Variants in MYO3B observed in about 807,000 individuals in gnomAD.
The protein encoded by MYO3B is myosin-IIIb.
In MYO3B, 156 loss-of-function variants were observed where a neutral mutation model predicts 174.6. The ratio of observed to expected loss-of-function variants is 0.89; its 90% CI spans 0.78 to 1.02. MYO3B has a LOEUF of 1.02. Among genes scored for constraint, MYO3B ranks in the 50% least tolerant of loss-of-function variants. The probability of loss-of-function intolerance (pLI) is 0.00; values close to 1 mark genes in which losing one functional copy is unlikely to be tolerated. For synonymous variants in MYO3B, 563 were observed against 569.1 expected (o/e 0.99, Z 0.15); for missense variants, 1,632 against 1,639.4 (o/e 1.00, Z 0.08).
intron 16 of MYO3B, among the ~76,000 whole-genome samples, chr2:170,395,488 C>A (rs961856135): frequency 6.6e-6 from 1 of 152,014 alleles, no homozygotes; most frequent in Non-Finnish European, 1.5e-5. Context: ...AAATTTCTTC[C>A]CTTTCTTCAA....
intron 32 of MYO3B, among the ~76,000 whole-genome samples, chr2:170,567,405 G>A (rs1280390152): frequency 6.6e-6 from 1 of 152,170 alleles, no homozygotes; most frequent in Non-Finnish European, 1.5e-5. Flanking sequence ...CTAGTGAAGG[G>A]TAGGGGACAT....
chr2:170,414,262 A>G (rs1206265346), intron 22 of MYO3B, among the ~76,000 whole-genome samples: 1 of 151,974 alleles, frequency 6.6e-6, no homozygotes, highest in Non-Finnish European at 1.5e-5. Context: ...ATCTCAGCTC[A>G]CTGAAACATC....
rs532704809 is a variant in MYO3B at position 170,491,586 on chromosome 2, C to T, written c.3015-7006C>T. Among the ~76,000 whole-genome samples the T allele has an allele frequency of 1.3e-3, 197 of 152,286 alleles. 1 individual carries two copies. The Middle Eastern group carries it at 0.014, about 11-fold the overall frequency. Reference sequence around the variant, plus strand: ...GACTATAGGTGCCCGCCACCATGCCCGGCTAATTTTTTGTATTTTTAGTAG... The same window carrying T: ...GACTATAGGTGCCCGCCACCATGCCTGGCTAATTTTTTGTATTTTTAGTAG... On this transcript the variant is annotated intron_variant, in intron 25 of 34. Transcript: ENST00000408978.
intron 8 of MYO3B, among the ~76,000 whole-genome samples, chr2:170,363,236 C>T (rs527613787): frequency 3.4e-4 from 52 of 152,074 alleles, no homozygotes; most frequent in African/African-American, 1.2e-3. Context: ...GTCATAAATC[C>T]TGAGTTTTGA....
intron 32 of MYO3B, among the ~76,000 whole-genome samples, chr2:170,618,590 A>G (rs572011986): frequency 1.2e-3 from 179 of 152,302 alleles, no homozygotes; most frequent in African/African-American, 4.1e-3. Context: ...GTTCCCAGGC[A>G]GATCAGCAGG....
chr2:170,218,420 A>G (rs780076960), intron 6 of MYO3B, among the ~76,000 whole-genome samples: 23 of 152,154 alleles, frequency 1.5e-4, no homozygotes, highest in Admixed American at 1.5e-3. Context: ...AAAAAAATGT[A>G]TTATGAAAAA....
chr2:170,380,202 C>T (rs1201374066), intron 9 of MYO3B, among the ~76,000 whole-genome samples: 1 of 152,166 alleles, frequency 6.6e-6, no homozygotes, highest in Non-Finnish European at 1.5e-5. Flanking sequence ...AGAAGTTATG[C>T]TTCTGGGCTA....
chr2:170,370,110 T>C (rs915082794), intron 9 of MYO3B, among the ~76,000 whole-genome samples: 1 of 152,032 alleles, frequency 6.6e-6, no homozygotes, highest in Non-Finnish European at 1.5e-5. Flanking sequence ...AATTTCTCTT[T>C]AAAAAAAATT....
chr2:170,241,430 A>G (rs946676187), intron 7 of MYO3B, among the ~76,000 whole-genome samples: 6 of 152,202 alleles, frequency 3.9e-5, no homozygotes, highest in African/African-American at 1.2e-4. Flanking sequence ...TTGGAGCACA[A>G]TCCACTGGGA....
chr2:170,265,845 C>T (rs1559345761), intron 7 of MYO3B, among the ~76,000 whole-genome samples: 1 of 151,848 alleles, frequency 6.6e-6, no homozygotes. Context: ...GAGTATGCAA[C>T]AAGATGAAAA....
chr2:170,554,611 T>C (rs1575157676), intron 32 of MYO3B, among the ~76,000 whole-genome samples: 1 of 152,206 alleles, frequency 6.6e-6, no homozygotes, highest in African/African-American at 2.4e-5. Context: ...CATTACAGAA[T>C]TGAACAGTTT....
At chr2:170,214,262 G>A in intron 3 of MYO3B, 117 bp from the exon 4 acceptor site, 1 of 720,720 alleles carries the variant, frequency 1.4e-6, no homozygotes, top group Non-Finnish European at 2.3e-6. Flanking sequence ...CTGGAGTTTT[G>A]TAATCTGCAA....
intron 22 of MYO3B, among the ~76,000 whole-genome samples, chr2:170,412,581 A>C (rs1369764485): frequency 6.6e-6 from 1 of 152,142 alleles, no homozygotes. Context: ...GAGCCCCTAC[A>C]TTGTCATATC....
intron 7 of MYO3B, among the ~76,000 whole-genome samples, chr2:170,320,095 C>T (rs1167369937): frequency 6.6e-6 from 1 of 152,194 alleles, no homozygotes; most frequent in East Asian, 1.9e-4. Context: ...CAGGAAACGG[C>T]ATAGATGTGG....
At chr2:170,583,948 C>CT (rs941453015) in intron 32 of MYO3B, among the ~76,000 whole-genome samples, 3 of 152,076 alleles carry the variant, frequency 2.0e-5, no homozygotes, top group African/African-American at 7.2e-5. Flanking sequence ...TACAAAAGAC[C>CT]TTTTTTGTTT....
At chr2:170,379,299 A>G (rs2094318220) in intron 9 of MYO3B, among the ~76,000 whole-genome samples, 1 of 151,166 alleles carries the variant, frequency 6.6e-6, no homozygotes, top group Non-Finnish European at 1.5e-5. Context: ...GGTTCAAGCA[A>G]TTCTCCTGCC....
chr2:170,628,615 C>T (rs1024119293), intron 32 of MYO3B, among the ~76,000 whole-genome samples: 1 of 152,240 alleles, frequency 6.6e-6, no homozygotes, highest in Non-Finnish European at 1.5e-5. Context: ...CACCCGTCTT[C>T]TGCATCGTTC....
chr2:170,467,085 G>A (rs1354836682), intron 25 of MYO3B, among the ~76,000 whole-genome samples: 1 of 152,118 alleles, frequency 6.6e-6, no homozygotes, highest in African/African-American at 2.4e-5. Context: ...GATATAATAC[G>A]ATAATTAACA....
intron 22 of MYO3B, chr2:170,412,095 A>T (rs1439846642): frequency 6.6e-6 from 1 of 152,256 alleles, no homozygotes; most frequent in African/African-American, 2.4e-5. Context: ...CCTTCGGCTG[A>T]GACTTTTCAA....
Sources: gnomAD v4.1 joint callset for allele counts (sites outside exome capture counted in the v4.1 genomes callset) on GRCh38, gnomAD v4.1.1 for gene constraint, MANE v1.5 for transcripts, NCBI Gene and HGNC (gene_info 2026-07-23, HGNC 2026-07-21) for gene names.